The following NEGR1 variants were observed in gnomAD, a reference collection of about 807,000 sequenced individuals.
The protein encoded by NEGR1 is neuronal growth regulator 1.
Under a neutral mutation model 40.9 loss-of-function variants are expected in NEGR1, and 10 were observed. That is an observed-to-expected ratio of 0.24 (90% CI 0.15 to 0.42). The LOEUF is 0.42. NEGR1 is among the 10% of genes least tolerant of loss of function. NEGR1 has a pLI of 1.00. For synonymous variants in NEGR1, 185 were observed against 166.8 expected (o/e 1.11, Z -0.84); for missense variants, 352 against 438.9 (o/e 0.80, Z 1.77).
chr1:71,795,513 A>G (rs1657291693), intron 2 of NEGR1, among the ~76,000 whole-genome samples: 1 of 152,098 alleles, frequency 6.6e-6, no homozygotes, highest in African/African-American at 2.4e-5. Flanking sequence ...GAAATTCCCA[A>G]ATGATCCATT....
intron 2 of NEGR1, among the ~76,000 whole-genome samples, chr1:71,846,560 C>T (rs2101807859): frequency 6.6e-6 from 1 of 152,222 alleles, no homozygotes; most frequent in East Asian, 1.9e-4. Flanking sequence ...CTTGAAGAAC[C>T]CAGAAATTCC....
chr1:71,873,803 G>A (rs549047845), intron 2 of NEGR1, among the ~76,000 whole-genome samples: 76 of 152,228 alleles, frequency 5.0e-4, no homozygotes, highest in African/African-American at 1.2e-3. Context: ...AGTTGAAAAT[G>A]AGCATTTGGA....
chr1:71,736,832 T>C (rs1655053381), intron 3 of NEGR1, among the ~76,000 whole-genome samples: 1 of 152,184 alleles, frequency 6.6e-6, no homozygotes, highest in Non-Finnish European at 1.5e-5. Context: ...GGAGAAAAAA[T>C]GTGGTTAACT....
At chr1:71,459,416 G>C (rs1646698540) in intron 6 of NEGR1, among the ~76,000 whole-genome samples, 1 of 152,138 alleles carries the variant, frequency 6.6e-6, no homozygotes, top group Non-Finnish European at 1.5e-5. Flanking sequence ...ATAGTTCTAA[G>C]TATGTCACTT....
intron 1 of NEGR1, among the ~76,000 whole-genome samples, chr1:72,049,835 G>C (rs992058594): frequency 1.3e-5 from 2 of 151,506 alleles, no homozygotes; most frequent in African/African-American, 4.8e-5. Flanking sequence ...TATAAATCAG[G>C]CTAAACAGCA....
At chr1:71,684,960 T>G (rs1652977733) in intron 4 of NEGR1, among the ~76,000 whole-genome samples, 1 of 152,222 alleles carries the variant, frequency 6.6e-6, no homozygotes, top group Admixed American at 6.5e-5. Context: ...ACATCTTTAT[T>G]AATTCTTTAA....
At chr1:71,623,220 A>T (rs569416599) in intron 4 of NEGR1, among the ~76,000 whole-genome samples, 3 of 151,948 alleles carry the variant, frequency 2.0e-5, no homozygotes, top group Admixed American at 6.6e-5. Context: ...CCCCGCCTTC[A>T]GTTACGTGAC....
intron 6 of NEGR1, among the ~76,000 whole-genome samples, chr1:71,513,816 G>A (rs1029155553): frequency 1.3e-5 from 2 of 151,224 alleles, no homozygotes; most frequent in African/African-American, 4.9e-5. Context: ...GAGGTACCGG[G>A]TTCATCTCAC....
At chr1:71,930,491 C>T (rs1645844818) in intron 2 of NEGR1, among the ~76,000 whole-genome samples, 1 of 152,146 alleles carries the variant, frequency 6.6e-6, no homozygotes, top group African/African-American at 2.4e-5. Flanking sequence ...CTGACTGCAT[C>T]CTACTCTTCT....
chr1:71,868,460 T>C (rs114135381), intron 2 of NEGR1, among the ~76,000 whole-genome samples: 14 of 92,710 alleles, frequency 1.5e-4, no homozygotes, highest in African/African-American at 4.3e-4. Flanking sequence ...GATAGATAGA[T>C]AGATAGACAG....
intron 1 of NEGR1, among the ~76,000 whole-genome samples, chr1:72,051,710 G>A (rs1173264437): frequency 6.6e-6 from 1 of 151,330 alleles, no homozygotes; most frequent in East Asian, 1.9e-4. Context: ...CTTTGGTGAA[G>A]AAAGGAGCTC....
chr1:72,045,669 C>A (rs1406579972), intron 1 of NEGR1, among the ~76,000 whole-genome samples: 1 of 151,824 alleles, frequency 6.6e-6, no homozygotes, highest in Non-Finnish European at 1.5e-5. Context: ...CAATAAACTT[C>A]TTTCTTTTGT....
chr1:71,550,137 T>C (rs1385911339), intron 6 of NEGR1, among the ~76,000 whole-genome samples: 2 of 151,568 alleles, frequency 1.3e-5, no homozygotes, highest in African/African-American at 4.8e-5. Flanking sequence ...GAGCAGACAG[T>C]CTTTGAGTTT....
intron 1 of NEGR1, among the ~76,000 whole-genome samples, chr1:72,137,854 T>C (rs1650527591): frequency 1.3e-5 from 2 of 152,152 alleles, no homozygotes; most frequent in African/African-American, 4.8e-5. Flanking sequence ...GTGTTATAAA[T>C]GACAGCAGAT....
intron 3 of NEGR1, among the ~76,000 whole-genome samples, chr1:71,700,766 G>A (rs1653663405): frequency 1.3e-5 from 2 of 151,992 alleles, no homozygotes; most frequent in South Asian, 4.1e-4. Flanking sequence ...ATTCACTAAA[G>A]TGATTAGCTT....
chr1:71,664,550 A>G (rs539233278), intron 4 of NEGR1, among the ~76,000 whole-genome samples: 11 of 152,122 alleles, frequency 7.2e-5, no homozygotes, highest in Non-Finnish European at 1.6e-4. Flanking sequence ...ATGGGAATTT[A>G]GAAGAGAAGG....
In NEGR1 at chr1:71,822,080, C is replaced by T. The variant is rs144987994; in HGVS notation, c.410-45783G>A. 2.7e-3 allele frequency among the ~76,000 whole-genome samples: 411 copies of T among 151,974 alleles called. 3 individuals are homozygous for T. Among genetic ancestry groups the T allele is most frequent in the African/African-American group, 9.6e-3 (398 of 41,504 alleles). On this transcript the variant is annotated intron_variant, in intron 2 of 6. Transcript: ENST00000357731. ...ACAGCAGCTACACTATAGACTTATA[C>T]TGTATGCTTGAAAGACAGTAGTGAG...
intron 1 of NEGR1, among the ~76,000 whole-genome samples, chr1:72,221,441 A>G (rs1313746041): frequency 6.6e-6 from 1 of 152,116 alleles, no homozygotes; most frequent in Non-Finnish European, 1.5e-5. Flanking sequence ...AATTCAAATA[A>G]TATAAAAGTT....
At chr1:71,866,325 T>C (rs1660112248) in intron 2 of NEGR1, among the ~76,000 whole-genome samples, 1 of 152,162 alleles carries the variant, frequency 6.6e-6, no homozygotes, top group Non-Finnish European at 1.5e-5. Context: ...AGAGGAAGTA[T>C]TGGAATTGTT....
Sources: allele counts gnomAD v4.1 joint callset (sites outside exome capture counted in the v4.1 genomes callset), GRCh38; gene constraint gnomAD v4.1.1; transcripts MANE v1.5; gene names NCBI Gene and HGNC (gene_info 2026-07-23, HGNC 2026-07-21).